ESYT3: variants seen among roughly 807,000 people sequenced by gnomAD.
ESYT3 encodes extended synaptotagmin 3.
ESYT3 carries 101 observed loss-of-function variants against 111.5 expected under a neutral mutation model. That is an observed-to-expected ratio of 0.91 (90% confidence interval 0.77 to 1.07). The LOEUF is 1.07. Ranked by LOEUF, ESYT3 falls within the 50% of genes least tolerant of loss-of-function variation. The probability of loss-of-function intolerance (pLI) is 0.00; values close to 1 mark genes in which losing one functional copy is unlikely to be tolerated. For missense variants in ESYT3, 1,097 were observed against 1,109.4 expected, an observed-to-expected ratio of 0.99 and a Z score of 0.16; for synonymous variants, 416 against 446.8, an observed-to-expected ratio of 0.93 and a Z score of 0.87.
At position 138,440,107 on chromosome 3, in the gene ESYT3, C is replaced by T; in HGVS notation, c.327+4982C>T. Among the ~76,000 whole-genome samples the T allele has an allele frequency of 1.3e-5, 2 of 152,204 alleles. 1 individual carries two copies. The highest frequency in any genetic ancestry group is 2.9e-5 in the Non-Finnish European group (2 of 68,040). ...CTGCCATCATTAACCAGTCCCGAGCCTGCTTTTCTCTGGTGACACATACCC... is the reference window on the plus strand; with the variant it reads ...CTGCCATCATTAACCAGTCCCGAGCTTGCTTTTCTCTGGTGACACATACCC... On this transcript the variant is annotated intron_variant, in intron 1 of 22. Transcript: ENST00000389567. This position sits in a 1 kb window ranked among gnomAD's most constrained non-coding sequence, Gnocchi z 4.2.
intron 1 of ESYT3, among the ~76,000 whole-genome samples, chr3:138,445,116 G>C (rs2031443341): frequency 1.3e-5 from 2 of 152,202 alleles, no homozygotes; most frequent in South Asian, 2.1e-4. Context: ...GAGCTCTCCA[G>C]GTGGGACTGT....
intron 9 of ESYT3, 38 bp downstream of exon 9, chr3:138,464,553 A>G (rs1024410700): frequency 3.1e-5 from 50 of 1,610,402 alleles, no homozygotes; most frequent in Non-Finnish European, 4.1e-5. Flanking sequence ...CTTCACTCTG[A>G]GTCATGCTGG....
rs928584722 is a variant in ESYT3, at chr3:138,479,521, C to T, written c.*2667C>T. The T allele has an allele frequency of 6.6e-6, 1 of 152,234 alleles. No homozygotes were observed. Among genetic ancestry groups the T allele is most frequent in the African/African-American group, 2.4e-5 (1 of 41,454 alleles). 9.4% of individuals were successfully genotyped at this position (152,234 alleles called of 1,614,324 possible). A position where few individuals can be genotyped will look rare whatever the true frequency, so the allele number is the denominator to read the frequency against. On this transcript the variant is annotated 3_prime_UTR_variant, in exon 23 of 23. Coordinates refer to ENST00000389567, the MANE Select transcript of ESYT3 (RefSeq NM_031913.5). ...GCTTTCCCGGCAGGCTGATGTTTGG[C>T]TTTGCCAATAGGGGGCGATGGAAGG... is the stretch of plus-strand genomic sequence containing the variant.
At chr3:138,437,538 T>A (rs544671205) in intron 1 of ESYT3, among the ~76,000 whole-genome samples, 1 of 152,312 alleles carries the variant, frequency 6.6e-6, no homozygotes, top group East Asian at 1.9e-4. Context: ...GTGCTGGGCC[T>A]GGCTGAAGTG....
At chr3:138,460,485 TC>T in intron 6 of ESYT3, 125 bp from the exon 7 acceptor site, 1 of 1,033,128 alleles carries the variant, frequency 9.7e-7, no homozygotes, top group Non-Finnish European at 1.5e-6. Flanking sequence ...CTGCCTGCTT[TC>T]CTCCGAACCC....
In ESYT3 at chr3:138,435,549, G is replaced by C. The variant is rs1308568682; in HGVS notation, c.327+424G>C. On this transcript the variant is annotated intron_variant, in intron 1 of 22. Transcript: ENST00000389567. This position sits in a 1 kb window ranked among gnomAD's most constrained non-coding sequence, Gnocchi z 4.8. ...AAAACGTAGATGGGCAAATACCGCA[G>C]TGACAGAAACGGCGGGCCCAGTTGC... Among the ~76,000 whole-genome samples, 3 of 152,250 alleles carry C rather than the reference G, an allele frequency of 2.0e-5. No individual in the cohort carries two copies. Among genetic ancestry groups the C allele is most frequent in the African/African-American group, 7.2e-5 (3 of 41,460 alleles).
rs1560238408 is a variant in ESYT3, at chr3:138,468,155, G to T, written c.1269G>T (p.Glu423Asp). ...TTSGRLHLRL[E>D]WLSLLTDQEV... is the part of the protein sequence containing the mutation. ...GCGGGCGGCTGCACCTGCGGCTGGAGTGGCTTTCATTGCTTACTGACCAAG... is the reference window on the plus strand; with the variant it reads ...GCGGGCGGCTGCACCTGCGGCTGGATTGGCTTTCATTGCTTACTGACCAAG... The change falls in exon 12 of 23, where the codon GAG (glutamate) becomes GAT (aspartate). Residue 423 changes from glutamate (E) to aspartate (D), a missense_variant. Glu to Asp is a conservative substitution (Grantham distance 45). Transcript: ENST00000389567. 8 of 1,614,086 alleles carry T rather than the reference G, an allele frequency of 5.0e-6. No homozygotes were observed. The highest frequency in any genetic ancestry group is 6.8e-6 in the Non-Finnish European group (8 of 1,180,042).
intron 14 of ESYT3, 99 bp from the exon 15 acceptor site, chr3:138,469,337 C>T: frequency 9.9e-7 from 1 of 1,010,302 alleles, no homozygotes; most frequent in African/African-American, 1.6e-5. Flanking sequence ...AACTGGGTGG[C>T]CCCAGTTCCC....
intron 1 of ESYT3, among the ~76,000 whole-genome samples, chr3:138,448,122 C>G (rs1053189628): frequency 1.6e-4 from 24 of 151,788 alleles, no homozygotes; most frequent in African/African-American, 5.8e-4. Context: ...AAAAAATTAG[C>G]CAGGCGTGGT....
In ESYT3 at chr3:138,467,596, G is replaced by C. The variant is rs2032995123; in HGVS notation, c.1205G>C (p.Arg402Thr). 1.9e-6 allele frequency: 3 copies of C among 1,614,138 alleles called. No homozygotes were observed. The highest frequency in any genetic ancestry group is 2.5e-6 in the Non-Finnish European group (3 of 1,180,008). ...TGCCTTGGAGATGTCATGACCAACA[G>C]AGTGGTGGATGAGGTACAGTTGGTG... ...QICLGDVMTN[R>T]VVDEWFVLND... is the part of the protein sequence containing the mutation. Residue 402 changes from arginine to threonine, a missense_variant, in exon 11 of 23, where the codon AGA becomes ACA. Physicochemically the swap from Arg to Thr is moderately conservative, Grantham distance 71 (BLOSUM62 -1). Coordinates refer to ENST00000389567, the MANE Select transcript of ESYT3 (RefSeq NM_031913.5).
intron 3 of ESYT3, among the ~76,000 whole-genome samples, chr3:138,455,839 A>G (rs2032244487): frequency 6.6e-6 from 1 of 152,182 alleles, no homozygotes; most frequent in African/African-American, 2.4e-5. Context: ...TGGCCAATGA[A>G]GTTTGTGTCA....
intron 1 of ESYT3, 66 bp from the exon 2 acceptor site, chr3:138,451,982 G>A: frequency 6.3e-7 from 1 of 1,578,090 alleles, no homozygotes; most frequent in Admixed American, 1.7e-5. Flanking sequence ...CCGCCAGGCT[G>A]GCTTGCTTGG....
intron 1 of ESYT3, among the ~76,000 whole-genome samples, chr3:138,449,129 G>C (rs1336654486): frequency 7.1e-6 from 1 of 139,946 alleles, no homozygotes; most frequent in African/African-American, 2.8e-5. Flanking sequence ...CTGTGGCCCA[G>C]GCTGGAGTGC....
In ESYT3 at chr3:138,435,091, G is replaced by A; in HGVS notation, c.293G>A (p.Ser98Asn). Residue 98 changes from serine (S) to asparagine (N), a missense_variant, in exon 1 of 23, where the codon AGC (serine) becomes AAC (asparagine). Coordinates refer to ENST00000389567, the MANE Select transcript of ESYT3 (RefSeq NM_031913.5). The surrounding 1 kb of genome is among the most constrained non-coding windows in gnomAD (Gnocchi z 4.8). ...EFLDNEREFISRELRGQHLPA... is the reference protein window; with the variant it reads ...EFLDNEREFINRELRGQHLPA... The stretch of plus-strand genomic sequence containing the variant: ...CTTGACAATGAACGCGAGTTCATCA[G>A]CCGCGAGCTGCGGGGCCAGCACCTG... The A allele has an allele frequency of 6.3e-7, 1 of 1,589,516 alleles. No individual in the cohort carries two copies. The highest frequency in any genetic ancestry group is 1.1e-5 in the South Asian group (1 of 87,542).
At chr3:138,466,026 AT>A (rs1306521288) in intron 10 of ESYT3, among the ~76,000 whole-genome samples, 1 of 152,226 alleles carries the variant, frequency 6.6e-6, no homozygotes, top group Non-Finnish European at 1.5e-5. Flanking sequence ...GTTTGAATAC[AT>A]TTTCCATTGC....
chr3:138,452,733 G>C (rs1347008212), intron 2 of ESYT3, among the ~76,000 whole-genome samples: 1 of 152,178 alleles, frequency 6.6e-6, no homozygotes, highest in East Asian at 1.9e-4. Flanking sequence ...CCCTAACTGT[G>C]AGGGCTCCAC....
chr3:138,441,643 T>TA (rs2031162168), intron 1 of ESYT3, among the ~76,000 whole-genome samples: 1 of 152,148 alleles, frequency 6.6e-6, no homozygotes, highest in African/African-American at 2.4e-5. Flanking sequence ...CCCCTCCCAC[T>TA]ACTCCCAGCA....
In ESYT3 at chr3:138,472,670, A is replaced by G. The variant is rs774303241; in HGVS notation, c.2048A>G (p.Lys683Arg). The G allele has an allele frequency of 3.1e-6, 5 of 1,614,232 alleles. No homozygotes were observed. Among genetic ancestry groups the G allele is most frequent in the Non-Finnish European group, 4.2e-6 (5 of 1,180,036 alleles). ...TTCTGTGAGCCCATCGGGGAGAAGA[A>G]GAGTCCAGCCACCATCTTCCTGACT... ...KRFCEPIGEK[K>R]SPATIFLTVP... The change falls in exon 18 of 23, where the codon AAG (lysine) becomes AGG (arginine). Residue 683 changes from lysine to arginine, a missense_variant. Transcript: ENST00000389567.
Position 138,434,833 on chromosome 3 carries a change from C to A in ESYT3, c.35C>A (p.Pro12His). Residue 12 changes from proline to histidine, a missense_variant, in exon 1 of 23, where the codon CCC becomes CAC. Transcript: ENST00000389567. ...RAEEPCAPGA[P>H]SALGAQRTPG... ...GAGGAGCCCTGCGCCCCCGGGGCCC[C>A]CAGCGCCCTGGGAGCCCAGCGCACG... 1 of 1,556,242 alleles carries A rather than the reference C, an allele frequency of 6.4e-7. No individual in the cohort carries two copies. The highest frequency in any genetic ancestry group is 8.7e-7 in the Non-Finnish European group (1 of 1,151,204).
Sources: gnomAD v4.1 joint callset for allele counts (sites outside exome capture counted in the v4.1 genomes callset) on GRCh38, gnomAD v4.1.1 for gene constraint, Gnocchi (gnomAD v3.1) non-coding constraint, MANE v1.5 for transcripts, NCBI Gene and HGNC (gene_info 2026-07-23, HGNC 2026-07-21) for gene names.